Variants in ADRA1B observed in about 807,000 individuals in gnomAD.
The protein encoded by ADRA1B is adrenoceptor alpha 1B.
Under a neutral mutation model 17.9 loss-of-function variants are expected in ADRA1B, and 17 were observed. The ratio of observed to expected loss-of-function variants is 0.95; its 90% CI spans 0.65 to 1.42. The LOEUF is 1.42. Among genes scored for constraint, ADRA1B ranks in the 40% most tolerant of loss-of-function variants. The pLI is 0.00. For synonymous variants in ADRA1B, 366 were observed against 327.6 expected (o/e 1.12, Z -1.27); for missense variants, 681 against 722.1 (o/e 0.94, Z 0.65).
Position 159,919,281 on chromosome 5 carries a change from T to C in ADRA1B, c.949+1427T>C, listed in dbSNP as rs904432074. On this transcript the variant is annotated intron_variant, in intron 1 of 1. Coordinates refer to ENST00000306675, the MANE Select transcript of ADRA1B (RefSeq NM_000679.4). ...TGATCACATACCATTGCAGGGAAGC[T>C]TGCTTTTCTTTCCCAAGGTCTCAGG... Among the ~76,000 whole-genome samples, 5 of 151,914 alleles carry C rather than the reference T, an allele frequency of 3.3e-5. No homozygotes were observed. The East Asian group carries it at 9.6e-4, about 29-fold the overall frequency.
At chr5:159,899,802 T>C (rs563603578) in intron 1 of ADRA1B, among the ~76,000 whole-genome samples, 17 of 152,330 alleles carry the variant, frequency 1.1e-4, no homozygotes, top group Non-Finnish European at 2.1e-4. Context: ...GGCCCTGCTA[T>C]TAATGTGTTG....
intron 1 of ADRA1B, among the ~76,000 whole-genome samples, chr5:159,964,058 A>G (rs2113286541): frequency 6.6e-6 from 1 of 152,360 alleles, no homozygotes; most frequent in East Asian, 1.9e-4. Context: ...CCTACATAGC[A>G]GGAGAAATTC....
chr5:159,904,064 ATT>A (rs1045061445), intron 1 of ADRA1B, among the ~76,000 whole-genome samples: 3 of 152,054 alleles, frequency 2.0e-5, no homozygotes, highest in Non-Finnish European at 4.4e-5. Flanking sequence ...AATGAGACTG[ATT>A]TTCTTTTCAT....
At chr5:159,903,172 G>C (rs115422475) in intron 1 of ADRA1B, among the ~76,000 whole-genome samples, 2,734 of 152,214 alleles carry the variant, frequency 0.018, 94 homozygotes, top group African/African-American at 0.061. Flanking sequence ...AGAGGACCCA[G>C]GCAAGAGGCC....
At chr5:159,907,355 C>T (rs1345777066) in intron 1 of ADRA1B, among the ~76,000 whole-genome samples, 1 of 152,208 alleles carries the variant, frequency 6.6e-6, no homozygotes, top group Admixed American at 6.5e-5. Context: ...TTTCTGCCTA[C>T]CTGATAAGAT....
intron 1 of ADRA1B, among the ~76,000 whole-genome samples, chr5:159,934,724 G>A (rs1411676035): frequency 5.3e-5 from 8 of 151,624 alleles, no homozygotes; most frequent in South Asian, 4.2e-4. Context: ...AGAATCCATC[G>A]CCTGAACCCA....
At chr5:159,908,613 T>C (rs1448165856) in intron 1 of ADRA1B, among the ~76,000 whole-genome samples, 1 of 152,168 alleles carries the variant, frequency 6.6e-6, no homozygotes, top group East Asian at 1.9e-4. Flanking sequence ...CCATGTTTCT[T>C]GTACAGCCCC....
At chr5:159,963,288 G>GTATATATATATATGTATATATA (rs1554092645) in intron 1 of ADRA1B, among the ~76,000 whole-genome samples, 1 of 132,702 alleles carries the variant, frequency 7.5e-6, no homozygotes, top group African/African-American at 2.9e-5. Flanking sequence ...AACAAAAAAA[G>GTATATATATATATGTATATATA]TATATATATA....
intron 1 of ADRA1B, among the ~76,000 whole-genome samples, chr5:159,865,590 G>A (rs1349585204): frequency 6.6e-6 from 1 of 152,190 alleles, no homozygotes; most frequent in Non-Finnish European, 1.5e-5. Flanking sequence ...CAACTGCATT[G>A]CATTTTTCCA....
At chr5:159,966,524 G>T (rs1357696946) in intron 1 of ADRA1B, among the ~76,000 whole-genome samples, 2 of 152,180 alleles carry the variant, frequency 1.3e-5, no homozygotes, top group East Asian at 1.9e-4. Context: ...AGTCACTGAG[G>T]ACTTGTTCAG....
At chr5:159,901,067 G>A (rs1754095517) in intron 1 of ADRA1B, among the ~76,000 whole-genome samples, 1 of 151,500 alleles carries the variant, frequency 6.6e-6, no homozygotes, top group African/African-American at 2.4e-5. Flanking sequence ...ATTATATTAT[G>A]TTTTACTATT....
chr5:159,972,063 C>CCGCCGCCGT lies in ADRA1B; in HGVS notation c.1136_1137insCCGCCGTCG (p.Arg378_Arg380dup), dbSNP rs1163675150. On this transcript the variant is annotated inframe_insertion, in exon 2 of 2. Transcript: ENST00000306675. ...GCGGCCGCCGCCGACGCCGCCGCCG[C>CCGCCGCCGT]CGTCGCCTGGGCGGCTGCGCCTACA... The CCGCCGCCGT allele has an allele frequency of 9.1e-6, 12 of 1,313,156 alleles. No individual in the cohort carries two copies. The highest frequency in any genetic ancestry group is 1.2e-5 in the Non-Finnish European group (12 of 1,031,240). 81.3% of individuals were successfully genotyped at this position (1,313,156 alleles called of 1,614,324 possible).
intron 1 of ADRA1B, among the ~76,000 whole-genome samples, chr5:159,883,943 C>T (rs1198589769): frequency 6.6e-6 from 1 of 152,112 alleles, no homozygotes; most frequent in Non-Finnish European, 1.5e-5. Context: ...CTCATATATA[C>T]CCTCAATACC....
the ADRA1B span, among the ~76,000 whole-genome samples, chr5:159,981,100 A>T: frequency 1.7e-4 from 26 of 152,370 alleles, no homozygotes; most frequent in Admixed American, 1.5e-3. Flanking sequence ...TGCAACCCAC[A>T]GGATGAAATA....
chr5:159,972,362 T>C lies in ADRA1B; in HGVS notation c.1433T>C (p.Leu478Pro), dbSNP rs1326536320. 2 of 1,510,266 alleles carry C rather than the reference T, an allele frequency of 1.3e-6. No homozygotes were observed. Among genetic ancestry groups the C allele is most frequent in the African/African-American group, 1.4e-5 (1 of 70,054 alleles). 93.6% of individuals were successfully genotyped at this position (1,510,266 alleles called of 1,614,324 possible). A position where few individuals can be genotyped will look rare whatever the true frequency, so the allele number is the denominator to read the frequency against. Residue 478 changes from leucine (L) to proline (P), a missense_variant, in exon 2 of 2, where the codon CTC (leucine) becomes CCC (proline). Physicochemically the swap from Leu to Pro is moderately conservative, Grantham distance 98. This residue lies in a region of ADRA1B where 251 missense variants were observed against 224.9 expected (regional missense o/e 1.12). Transcript: ENST00000306675. ...HDSGPLFTFK[L>P]LTEPESPGTD... Reference sequence around the variant, plus strand: ...TCGGGCCCGCTCTTCACCTTCAAGCTCCTGACCGAGCCCGAGAGCCCCGGG... The same window carrying C: ...TCGGGCCCGCTCTTCACCTTCAAGCCCCTGACCGAGCCCGAGAGCCCCGGG...
At chr5:159,939,478 A>C (rs1382253258) in intron 1 of ADRA1B, among the ~76,000 whole-genome samples, 1 of 152,042 alleles carries the variant, frequency 6.6e-6, no homozygotes, top group Non-Finnish European at 1.5e-5. Flanking sequence ...TGAACTTCTG[A>C]GTGTGACAGA....
chr5:159,917,620 GCAGGAGT>G lies in ADRA1B; in HGVS notation c.718_724del (p.Gly240Ter). 1 of 1,613,976 alleles carries G rather than the reference GCAGGAGT, an allele frequency of 6.2e-7. No individual in the cohort carries two copies. The highest frequency in any genetic ancestry group is 1.7e-5 in the Admixed American group (1 of 60,018). On this transcript the variant is annotated frameshift_variant, in exon 1 of 2. Coordinates refer to ENST00000306675, the MANE Select transcript of ADRA1B (RefSeq NM_000679.4). LOFTEE classifies it high-confidence loss of function. The stretch of plus-strand genomic sequence containing the variant: ...CAAGAGAACCACCAAGAACCTAGAG[GCAGGAGT>G]CATGAAGGAGATGTCCAACTCCAAG...
chr5:159,970,472 T>G (rs1755847327), intron 1 of ADRA1B, among the ~76,000 whole-genome samples: 1 of 152,194 alleles, frequency 6.6e-6, no homozygotes, highest in South Asian at 2.1e-4. Context: ...CCCATTCTAC[T>G]TTTCCCAGGG....
chr5:159,938,224 C>A lies in ADRA1B; in HGVS notation c.949+20370C>A, dbSNP rs1409361182. ...AACTATCAAAACTCCATCCAGAATC[C>A]ATTCTGTTGAAGTATCTTGTATTGA... On this transcript the variant is annotated intron_variant, in intron 1 of 1. Transcript: ENST00000306675. Among the ~76,000 whole-genome samples the A allele has an allele frequency of 2.6e-5, 4 of 152,226 alleles. No individual in the cohort carries two copies. The East Asian group carries it at 7.7e-4, about 29-fold the overall frequency.
Sources: allele counts gnomAD v4.1 joint callset (sites outside exome capture counted in the v4.1 genomes callset), GRCh38; gene constraint gnomAD v4.1.1; regional missense constraint gnomAD v4.1.1; transcripts MANE v1.5; gene names NCBI Gene and HGNC (gene_info 2026-07-23, HGNC 2026-07-21).